CBX5: variants seen among roughly 807,000 people sequenced by gnomAD.
CBX5 encodes the protein chromobox 5.
CBX5 carries 7 observed loss-of-function variants against 20.7 expected under a neutral mutation model. The observed-to-expected ratio is 0.34, with a 90% CI of 0.19 to 0.63. The LOEUF (loss-of-function observed/expected upper bound fraction) is 0.63. Among genes scored for constraint, CBX5 ranks in the 30% least tolerant of loss-of-function variants. The pLI is 0.75. For missense variants in CBX5, 110 were observed against 224.1 expected, an observed-to-expected ratio of 0.49 and a Z score of 3.25; for synonymous variants, 78 against 77.0, an observed-to-expected ratio of 1.01 and a Z score of -0.07.
chr12:54,234,710 A>G lies in CBX5; in HGVS notation c.*7045T>C, dbSNP rs992489166. 6.6e-6 allele frequency: 1 copy of G among 152,134 alleles called. No individual in the cohort carries two copies. The highest frequency in any genetic ancestry group is 6.6e-5 in the Admixed American group (1 of 15,262). The allele number at this position is 152,134 out of a possible 1,614,324, so 9.4% of individuals were successfully genotyped here. On this transcript the variant is annotated 3_prime_UTR_variant, in exon 5 of 5. Transcript: ENST00000209875. ...CAGTGCAGGATTCATTCCCTTCCCC[A>G]CTGCCTTGTTTTAACTCCTTCTCTT... is the stretch of plus-strand genomic sequence containing the variant.
intron 1 of CBX5, among the ~76,000 whole-genome samples, chr12:54,261,056 T>C (rs1484981883): frequency 6.6e-6 from 1 of 151,728 alleles, no homozygotes; most frequent in Non-Finnish European, 1.5e-5. Flanking sequence ...CCAGACATAG[T>C]AGCACTTGCC....
In CBX5 at chr12:54,244,748, T is replaced by C. The variant is rs116622599; in HGVS notation, c.425+1367A>G. ...TGTCTCAAAAAAAAAGAAATCAAAT[T>C]GAGAAGAACTACTTCCTTTTCATCT... On this transcript the variant is annotated intron_variant, in intron 4 of 4. Coordinates refer to ENST00000209875, the MANE Select transcript of CBX5 (RefSeq NM_012117.3). Among the ~76,000 whole-genome samples the C allele has an allele frequency of 2.6e-3, 397 of 152,148 alleles. 1 individual carries two copies. Among genetic ancestry groups the C allele is most frequent in the African/African-American group, 9.3e-3 (386 of 41,496 alleles).
intron 2 of CBX5, chr12:54,255,540 T>G (rs1223709776): frequency 8.0e-6 from 1 of 124,314 alleles, no homozygotes; most frequent in Non-Finnish European, 1.6e-5. Context: ...GCGTGGGCGA[T>G]AGTGAGAGAC....
intron 1 of CBX5, chr12:54,272,088 T>C (rs1370119543): frequency 2.0e-5 from 3 of 152,210 alleles, no homozygotes; most frequent in East Asian, 1.9e-4. Context: ...AAACTTAAGA[T>C]TTCCCAGCCT....
intron 2 of CBX5, among the ~76,000 whole-genome samples, chr12:54,253,463 C>T (rs556794846): frequency 4.0e-4 from 61 of 151,994 alleles, no homozygotes; most frequent in Admixed American, 1.1e-3. Context: ...CAGTGACTCA[C>T]GCCTGTAATC....
chr12:54,245,019 T>A (rs182047329), intron 4 of CBX5, among the ~76,000 whole-genome samples: 298 of 151,044 alleles, frequency 2.0e-3, no homozygotes, highest in South Asian at 2.9e-3. Context: ...TATTATTATT[T>A]TTTTTTTTTA....
chr12:54,260,543 T>TAA (rs200040287), intron 1 of CBX5, among the ~76,000 whole-genome samples: 1 of 140,652 alleles, frequency 7.1e-6, no homozygotes. Context: ...CTAAGAAGCT[T>TAA]AAAAAAAAAA....
chr12:54,278,229 A>T (rs2137035534), intron 1 of CBX5, among the ~76,000 whole-genome samples: 1 of 152,324 alleles, frequency 6.6e-6, no homozygotes, highest in Non-Finnish European at 1.5e-5. Flanking sequence ...ACAAAGAATT[A>T]TCTGCCTCAA....
Position 54,234,205 on chromosome 12 carries a change from A to G in CBX5, c.*7550T>C. ...AAAAAAAAAAAAAAAAAAAAAAAAA[A>G]AGGTTCAATATGGATACTCTAGGTA... On this transcript the variant is annotated 3_prime_UTR_variant, in exon 5 of 5. Transcript: ENST00000209875. 2 of 139,902 alleles carry G rather than the reference A, an allele frequency of 1.4e-5. 1 individual carries two copies. The highest frequency in any genetic ancestry group is 4.5e-4 in the South Asian group (2 of 4,462). The allele number at this position is 139,902 out of a possible 1,614,324, so 8.7% of individuals were successfully genotyped here. A position where few individuals can be genotyped will look rare whatever the true frequency, so the allele number is the denominator to read the frequency against.
At chr12:54,247,731 T>C (rs1943750876) in intron 3 of CBX5, among the ~76,000 whole-genome samples, 1 of 152,060 alleles carries the variant, frequency 6.6e-6, no homozygotes, top group South Asian at 2.1e-4. Flanking sequence ...TAAAGTGCAG[T>C]GGCGCAATCT....
At chr12:54,246,641 C>T (rs1475954555) in intron 3 of CBX5, among the ~76,000 whole-genome samples, 2 of 151,928 alleles carry the variant, frequency 1.3e-5, no homozygotes, top group Admixed American at 1.3e-4. Flanking sequence ...ATTAGCCAGG[C>T]ATGGTGGCAG....
rs1943875515 is a variant in CBX5 at position 54,257,684 on chromosome 12, A to G, written c.-34T>C. 1.2e-6 allele frequency: 2 copies of G among 1,613,510 alleles called. No individual in the cohort carries two copies. The highest frequency in any genetic ancestry group is 2.2e-5 in the East Asian group (1 of 44,886). On this transcript the variant is annotated 5_prime_UTR_variant, in exon 2 of 5. Coordinates refer to ENST00000209875, the MANE Select transcript of CBX5 (RefSeq NM_012117.3). ...CCGTTCCACCTGAAAGACTAAGGCCACCAGGTCCCTGCAAAGGCAAAGGAC... is the reference window on the plus strand; with the variant it reads ...CCGTTCCACCTGAAAGACTAAGGCCGCCAGGTCCCTGCAAAGGCAAAGGAC...
chr12:54,266,062 C>G (rs1012409680), intron 1 of CBX5, among the ~76,000 whole-genome samples: 1 of 146,630 alleles, frequency 6.8e-6, no homozygotes, highest in Non-Finnish European at 1.5e-5. Context: ...AAAAAAAAAC[C>G]AGGCGAAACC....
Position 54,252,269 on chromosome 12 carries a change from G to T in CBX5, c.138-42C>A, listed in dbSNP as rs779619306. The T allele has an allele frequency of 1.1e-5, 16 of 1,449,098 alleles. No homozygotes were observed. In the East Asian group the frequency reaches 3.1e-4, roughly 28 times the overall value. The allele number at this position is 1,449,098 out of a possible 1,614,324, so 89.8% of individuals were successfully genotyped here. A position where few individuals can be genotyped will look rare whatever the true frequency, so the allele number is the denominator to read the frequency against. The stretch of plus-strand genomic sequence containing the variant: ...GGAAAATTAAAAAAAAAAGGGGGGG[G>T]TAAAGAATGAGGAAAAAAATCCAAT... On this transcript the variant is annotated intron_variant, in intron 2 of 4. Coordinates refer to ENST00000209875, the MANE Select transcript of CBX5 (RefSeq NM_012117.3).
chr12:54,241,746 T>C lies in CBX5; in HGVS notation c.*9A>G. ...GTACAAAGAGAAATGACAGAGACCATCCCCTCCTTTAGCTCTTTGCTGTTT... is the reference window on the plus strand; with the variant it reads ...GTACAAAGAGAAATGACAGAGACCACCCCCTCCTTTAGCTCTTTGCTGTTT... On this transcript the variant is annotated 3_prime_UTR_variant, in exon 5 of 5. Coordinates refer to ENST00000209875, the MANE Select transcript of CBX5 (RefSeq NM_012117.3). The C allele has an allele frequency of 6.2e-7, 1 of 1,608,110 alleles. No individual in the cohort carries two copies. The highest frequency in any genetic ancestry group is 1.3e-5 in the African/African-American group (1 of 74,500).
intron 1 of CBX5, among the ~76,000 whole-genome samples, chr12:54,266,887 T>TA (rs1943962424): frequency 2.0e-5 from 3 of 151,926 alleles, no homozygotes; most frequent in Admixed American, 2.0e-4. Context: ...GTTGCCCTAT[T>TA]AAAAAAAAGT....
At chr12:54,263,507 G>C (rs1315929068) in intron 1 of CBX5, among the ~76,000 whole-genome samples, 3 of 151,894 alleles carry the variant, frequency 2.0e-5, no homozygotes, top group Non-Finnish European at 4.4e-5. Context: ...AGCCAAGGCA[G>C]GTGGATCATG....
In CBX5 at chr12:54,257,504, A is replaced by T. The variant is rs200759243; in HGVS notation, c.137+10T>A. 3.7e-6 allele frequency: 6 copies of T among 1,614,020 alleles called. No individual in the cohort carries two copies. The highest frequency in any genetic ancestry group is 5.1e-6 in the Non-Finnish European group (6 of 1,179,960). On this transcript the variant is annotated intron_variant, in intron 2 of 4. Transcript: ENST00000209875. The stretch of plus-strand genomic sequence containing the variant: ...AGAGTCCCAACGCCTGGGGGAAAAA[A>T]GGAACTTACTCAGAAAAGCCTTTCC...
intron 1 of CBX5, among the ~76,000 whole-genome samples, chr12:54,271,001 T>C (rs765821531): frequency 6.6e-6 from 1 of 152,224 alleles, no homozygotes; most frequent in Non-Finnish European, 1.5e-5. Context: ...CAGGCTGCAG[T>C]GAGTTGATTG....
Sources: allele counts gnomAD v4.1 joint callset (sites outside exome capture counted in the v4.1 genomes callset), GRCh38; gene constraint gnomAD v4.1.1; transcripts MANE v1.5; gene names NCBI Gene and HGNC (gene_info 2026-07-23, HGNC 2026-07-21).